The following CNTN4 variants were observed in gnomAD, a reference collection of about 807,000 sequenced individuals.
CNTN4 encodes contactin-4.
In CNTN4, 77 loss-of-function variants were observed where a neutral mutation model predicts 122.5. The observed-to-expected ratio is 0.63, with a 90% CI of 0.52 to 0.76. The LOEUF (loss-of-function observed/expected upper bound fraction) is 0.76, where lower values mean the gene tolerates loss of function less well. Ranked by LOEUF, CNTN4 falls within the 30% of genes least tolerant of loss-of-function variation. The probability of loss-of-function intolerance (pLI) is 0.00; values close to 1 mark genes in which losing one functional copy is unlikely to be tolerated. For missense variants in CNTN4, 1,256 were observed against 1,259.1 expected, an observed-to-expected ratio of 1.00 and a Z score of 0.04; for synonymous variants, 512 against 447.0, an observed-to-expected ratio of 1.15 and a Z score of -1.83.
intron 4 of CNTN4, among the ~76,000 whole-genome samples, chr3:2,664,406 C>A (rs975159396): frequency 7.0e-6 from 1 of 143,438 alleles, no homozygotes; most frequent in Non-Finnish European, 1.5e-5. Context: ...TTTAGATCAT[C>A]ACCTATATTT....
At chr3:2,932,580 C>T (rs1050175606) in intron 13 of CNTN4, among the ~76,000 whole-genome samples, 4 of 152,032 alleles carry the variant, frequency 2.6e-5, no homozygotes, top group Admixed American at 6.5e-5. Flanking sequence ...GCTCCATCTT[C>T]AGAGCTTAAT....
intron 13 of CNTN4, among the ~76,000 whole-genome samples, chr3:2,951,151 A>G (rs566234393): frequency 2.0e-5 from 3 of 152,326 alleles, no homozygotes; most frequent in Non-Finnish European, 4.4e-5. Context: ...ATAACGAACA[A>G]TGAATCTTCC....
chr3:2,301,225 C>T (rs1480558971), intron 2 of CNTN4, among the ~76,000 whole-genome samples: 2 of 152,100 alleles, frequency 1.3e-5, no homozygotes, highest in Non-Finnish European at 2.9e-5. Context: ...TGTTAGCACA[C>T]GCTAATTACT....
At chr3:3,053,074 A>G (rs163569) in intron 23 of CNTN4, among the ~76,000 whole-genome samples, 64,101 of 152,088 alleles carry the variant, frequency 0.42, 14,469 homozygotes, top group African/African-American at 0.56. Flanking sequence ...TTGCTCTGTC[A>G]CCCAGGCTGG....
intron 3 of CNTN4, among the ~76,000 whole-genome samples, chr3:2,570,992 T>C (rs1463450799): frequency 1.3e-5 from 2 of 152,114 alleles, no homozygotes; most frequent in Non-Finnish European, 2.9e-5. Flanking sequence ...ATTGGAAAAA[T>C]TGGGAATTTC....
intron 6 of CNTN4, among the ~76,000 whole-genome samples, chr3:2,766,912 TG>T (rs1364605274): frequency 1.3e-5 from 2 of 152,102 alleles, no homozygotes; most frequent in Non-Finnish European, 2.9e-5. Context: ...AAGTCCATGT[TG>T]GTTTGGAAGC....
intron 3 of CNTN4, among the ~76,000 whole-genome samples, chr3:2,479,471 C>T (rs778878772): frequency 1.3e-5 from 2 of 152,096 alleles, no homozygotes; most frequent in Non-Finnish European, 2.9e-5. Flanking sequence ...AGGGTCAGCC[C>T]ATAAAAGGGA....
intron 2 of CNTN4, among the ~76,000 whole-genome samples, chr3:2,169,791 GAACA>G (rs1181925475): frequency 2.0e-5 from 3 of 152,150 alleles, no homozygotes; most frequent in Non-Finnish European, 4.4e-5. Context: ...TTAAGTTAAA[GAACA>G]AATACTCTTT....
rs192711208 is a variant in CNTN4 at position 2,317,366 on chromosome 3, C to T, written c.-144-21812C>T. ...TAGTTTATTTGTTAGAAGAAGCTAG[C>T]GGGCAGAGGATTCATCAAAATAATA... is the stretch of plus-strand genomic sequence containing the variant. On this transcript the variant is annotated intron_variant, in intron 2 of 24. Transcript: ENST00000418658. Among the ~76,000 whole-genome samples, 22 of 152,210 alleles carry T rather than the reference C, an allele frequency of 1.4e-4. No homozygotes were observed. In the East Asian group the frequency reaches 3.3e-3, roughly 23 times the overall value.
chr3:2,970,727 T>C (rs1559735102), intron 13 of CNTN4, among the ~76,000 whole-genome samples: 1 of 152,198 alleles, frequency 6.6e-6, no homozygotes, highest in Admixed American at 6.5e-5. Flanking sequence ...ATTGCAAGCA[T>C]GAACCACCAT....
intron 3 of CNTN4, among the ~76,000 whole-genome samples, chr3:2,372,867 G>T (rs2150678105): frequency 6.6e-6 from 1 of 152,190 alleles, no homozygotes; most frequent in African/African-American, 2.4e-5. Context: ...GGCCAACATG[G>T]TGAAATCCCA....
At chr3:2,591,693 C>T (rs1456787783) in intron 4 of CNTN4, among the ~76,000 whole-genome samples, 2 of 151,918 alleles carry the variant, frequency 1.3e-5, no homozygotes, top group Non-Finnish European at 2.9e-5. Context: ...TTGTAGCCTT[C>T]TGAAACTAAG....
intron 2 of CNTN4, among the ~76,000 whole-genome samples, chr3:2,256,355 C>T (rs2040591632): frequency 6.6e-6 from 1 of 152,104 alleles, no homozygotes; most frequent in South Asian, 2.1e-4. Flanking sequence ...CGAATTCTAC[C>T]AGAGGTACAA....
intron 13 of CNTN4, among the ~76,000 whole-genome samples, chr3:2,964,361 A>T (rs1042513409): frequency 1.3e-5 from 2 of 152,180 alleles, no homozygotes; most frequent in Non-Finnish European, 2.9e-5. Flanking sequence ...ATCCAATGTG[A>T]GTAAATCAGA....
intron 2 of CNTN4, among the ~76,000 whole-genome samples, chr3:2,316,809 C>G (rs1239900485): frequency 6.6e-6 from 1 of 152,180 alleles, no homozygotes. Flanking sequence ...GTAATGTACA[C>G]ATTACAGTTG....
chr3:2,135,314 T>G (rs1174422718), intron 2 of CNTN4, among the ~76,000 whole-genome samples: 1 of 152,124 alleles, frequency 6.6e-6, no homozygotes, highest in Non-Finnish European at 1.5e-5. Flanking sequence ...GTTCATCAGG[T>G]GTTATTTTTC....
intron 13 of CNTN4, among the ~76,000 whole-genome samples, chr3:2,947,641 C>G (rs1354251199): frequency 2.0e-5 from 3 of 151,998 alleles, no homozygotes; most frequent in Non-Finnish European, 2.9e-5. Context: ...TTCTTTTTGT[C>G]TTCATTTGCT....
intron 2 of CNTN4, among the ~76,000 whole-genome samples, chr3:2,120,384 T>TATATATAA (rs1559260790): frequency 1.0e-3 from 31 of 29,820 alleles, no homozygotes; most frequent in African/African-American, 2.7e-3. Flanking sequence ...AATATATATA[T>TATATATAA]ATATATATAT....
At chr3:2,660,008 G>A (rs1281563462) in intron 4 of CNTN4, among the ~76,000 whole-genome samples, 4 of 152,082 alleles carry the variant, frequency 2.6e-5, no homozygotes, top group African/African-American at 9.7e-5. Context: ...TTTTAAAATA[G>A]CATGACGATC....
Sources: gnomAD v4.1 joint callset for allele counts (sites outside exome capture counted in the v4.1 genomes callset) on GRCh38, gnomAD v4.1.1 for gene constraint, MANE v1.5 for transcripts, NCBI Gene and HGNC (gene_info 2026-07-23, HGNC 2026-07-21) for gene names.